Variants in UNC13B observed in about 807,000 individuals in gnomAD.
UNC13B encodes protein unc-13 homolog B.
Under a neutral mutation model 211.0 loss-of-function variants are expected in UNC13B, and 144 were observed. That is an observed-to-expected ratio of 0.68 (90% CI 0.60 to 0.78). UNC13B has a LOEUF of 0.78. UNC13B is among the 30% of genes least tolerant of loss of function. The pLI, the probability that UNC13B is intolerant of heterozygous loss-of-function variation, is 0.00. For missense variants in UNC13B, 1,777 were observed against 2,002.0 expected (o/e 0.89, Z 2.14); for synonymous variants, 709 against 725.8 (o/e 0.98, Z 0.37).
At chr9:35,388,795 C>T (rs909933435) in intron 24 of UNC13B, among the ~76,000 whole-genome samples, 8 of 152,104 alleles carry the variant, frequency 5.3e-5, no homozygotes. Flanking sequence ...TATTGAACGC[C>T]GTTGAAGGGC....
chr9:35,232,428 C>T (rs7025327), intron 3 of UNC13B, among the ~76,000 whole-genome samples: 1,914 of 151,784 alleles, frequency 0.013, 37 homozygotes, highest in African/African-American at 0.044. Context: ...GCAATCTTCC[C>T]GCCTTGGCCT....
chr9:35,279,277 T>C (rs1828350946), intron 7 of UNC13B, among the ~76,000 whole-genome samples: 2 of 152,196 alleles, frequency 1.3e-5, no homozygotes, highest in African/African-American at 4.8e-5. Context: ...ATATTTCACA[T>C]AAATGGAATC....
chr9:35,383,047 G>A (rs572526498), intron 21 of UNC13B, among the ~76,000 whole-genome samples: 1 of 152,308 alleles, frequency 6.6e-6, no homozygotes, highest in South Asian at 2.1e-4. Context: ...ACCTGGGCTT[G>A]GCCAGAACCC....
chr9:35,279,546 G>A (rs1197246308), intron 7 of UNC13B, among the ~76,000 whole-genome samples: 1 of 151,790 alleles, frequency 6.6e-6, no homozygotes, highest in Admixed American at 6.6e-5. Flanking sequence ...AGTTCTTTTG[G>A]GTATATACTA....
At chr9:35,228,875 T>C (rs1394708026) in intron 2 of UNC13B, among the ~76,000 whole-genome samples, 1 of 152,124 alleles carries the variant, frequency 6.6e-6, no homozygotes, top group Non-Finnish European at 1.5e-5. Context: ...TTTTTGCTAT[T>C]ACAAATAATA....
rs1003067972 is a variant in UNC13B at position 35,380,407 on chromosome 9, G to A, written c.10206-63G>A. 7.7e-6 allele frequency: 12 copies of A among 1,559,940 alleles called. No individual in the cohort carries two copies. In the African/African-American group the frequency reaches 1.6e-4, roughly 21 times the overall value. ...TGTCGGAGCTTTTGGGAGGGAATAG[G>A]AAGTAACAGGATTTGGCGCTACTGG... On this transcript the variant is annotated intron_variant, in intron 17 of 39. Transcript: ENST00000635942.
rs1443508098 is a variant in UNC13B at position 35,301,651 on chromosome 9, G to A, written c.2247G>A (p.Glu749=). ...TTAGTTCTGCAAGTAAAAATGATGA[G>A]AGTCTATTGGAAGAAAAACTCTGTA... ...NLVSSASKND[E]SLLEEKLCID... Residue 749 remains glutamate, a synonymous_variant, in exon 9 of 40, where the codon GAG becomes GAA. Transcript: ENST00000635942. 2.5e-6 allele frequency: 1 copy of A among 398,776 alleles called. No individual in the cohort carries two copies. Among genetic ancestry groups the A allele is most frequent in the Non-Finnish European group, 4.4e-6 (1 of 225,912 alleles). 24.7% of individuals were successfully genotyped at this position (398,776 alleles called of 1,614,324 possible).
At position 35,194,930 on chromosome 9, in the gene UNC13B, A is replaced by G. The variant is rs554091238; in HGVS notation, c.22+32625A>G. 2.0e-5 allele frequency among the ~76,000 whole-genome samples: 3 copies of G among 152,332 alleles called. No homozygotes were observed. The East Asian group carries it at 5.8e-4, about 29-fold the overall frequency. Reference sequence around the variant, plus strand: ...GCTCTCTCTCTAGTGTGAGAGGGGAATTCTGAGAGCAAAAGGTGGACTGGC... The same window carrying G: ...GCTCTCTCTCTAGTGTGAGAGGGGAGTTCTGAGAGCAAAAGGTGGACTGGC... On this transcript the variant is annotated intron_variant, in intron 1 of 39. Coordinates refer to ENST00000635942, the MANE Select transcript of UNC13B (RefSeq NM_001371189.2).
intron 12 of UNC13B, among the ~76,000 whole-genome samples, chr9:35,369,203 A>G (rs974902906): frequency 1.3e-5 from 2 of 152,188 alleles, no homozygotes; most frequent in Non-Finnish European, 2.9e-5. Flanking sequence ...TTCTTTGCCT[A>G]GATAGCTACA....
At position 35,307,440 on chromosome 9, in the gene UNC13B, A is replaced by G. The variant is rs1829979777; in HGVS notation, c.8036A>G (p.Glu2679Gly). ...PIQPPLPLEP[E>G]PAIQTASTNQ... Reference sequence around the variant, plus strand: ...CAGCCACCTCTTCCTCTTGAGCCAGAGCCAGCTATTCAAACTGCCTCCACA... The same window carrying G: ...CAGCCACCTCTTCCTCTTGAGCCAGGGCCAGCTATTCAAACTGCCTCCACA... Residue 2679 changes from glutamate to glycine, a missense_variant, in exon 9 of 40, where the codon GAG becomes GGG. Transcript: ENST00000635942. 2.5e-6 allele frequency: 1 copy of G among 399,062 alleles called. No individual in the cohort carries two copies. The highest frequency in any genetic ancestry group is 1.3e-4 in the South Asian group (1 of 7,864). The allele number at this position is 399,062 out of a possible 1,614,324, so 24.7% of individuals were successfully genotyped here.
rs1829779156 is a variant in UNC13B, at chr9:35,303,403, A to G, written c.3999A>G (p.Leu1333=). 3 of 398,672 alleles carry G rather than the reference A, an allele frequency of 7.5e-6. No individual in the cohort carries two copies. The highest frequency in any genetic ancestry group is 1.3e-5 in the Non-Finnish European group (3 of 225,836). The allele number at this position is 398,672 out of a possible 1,614,324, so 24.7% of individuals were successfully genotyped here. A position where few individuals can be genotyped will look rare whatever the true frequency, so the allele number is the denominator to read the frequency against. Residue 1333 remains leucine, a synonymous_variant, in exon 9 of 40, where the codon CTA becomes CTG. Transcript: ENST00000635942. The part of the protein sequence containing the change: ...ENSNKLNSPV[L]NTNILNKSNN... The stretch of plus-strand genomic sequence containing the variant: ...CAAACAAGTTAAATTCACCTGTACT[A>G]AATACCAACATTCTCAATAAATCAA...
At chr9:35,254,403 T>C (rs766718966) in intron 6 of UNC13B, among the ~76,000 whole-genome samples, 5 of 152,150 alleles carry the variant, frequency 3.3e-5, no homozygotes, top group Non-Finnish European at 5.9e-5. Flanking sequence ...GATGGAAGCA[T>C]GCTCTCTGGA....
At chr9:35,257,309 A>ATATAAATATTTATATAAATATTTT (rs1564097598) in intron 6 of UNC13B, among the ~76,000 whole-genome samples, 3 of 99,104 alleles carry the variant, frequency 3.0e-5, no homozygotes, top group Non-Finnish European at 4.5e-5. Context: ...TTTATAAAAA[A>ATATAAATATTTATATAAATATTTT]TATAAATATT....
intron 26 of UNC13B, among the ~76,000 whole-genome samples, chr9:35,396,135 C>T (rs1587769321): frequency 6.6e-6 from 1 of 152,232 alleles, no homozygotes; most frequent in South Asian, 2.1e-4. Flanking sequence ...TGGGCAGTCT[C>T]CCTACTAATC....
chr9:35,398,633 T>C lies in UNC13B; in HGVS notation c.11912T>C (p.Phe3971Ser), dbSNP rs1332347054. 6.2e-7 allele frequency: 1 copy of C among 1,613,952 alleles called. No individual in the cohort carries two copies. Among genetic ancestry groups the C allele is most frequent in the African/African-American group, 1.3e-5 (1 of 75,006 alleles). Reference protein sequence around the residue: ...NTVLDELSMVFGNSFQVRIDE... With the variant: ...NTVLDELSMVSGNSFQVRIDE... The stretch of plus-strand genomic sequence containing the variant: ...GTTCTGGATGAGCTCAGCATGGTGT[T>C]TGGAAACAGGTCAGTGACCCCACAA... Residue 3971 changes from phenylalanine (F) to serine (S), a missense_variant, in exon 32 of 40, where the codon TTT (phenylalanine) becomes TCT (serine). Transcript: ENST00000635942.
At chr9:35,400,734 C>T (rs117065884) in intron 37 of UNC13B, among the ~76,000 whole-genome samples, 1 of 152,250 alleles carries the variant, frequency 6.6e-6, no homozygotes, top group East Asian at 1.9e-4. Context: ...GACTGGTAAG[C>T]GGCAAGAATG....
At chr9:35,321,807 G>GTA (rs1482676330) in intron 11 of UNC13B, among the ~76,000 whole-genome samples, 2 of 151,938 alleles carry the variant, frequency 1.3e-5, no homozygotes, top group Non-Finnish European at 2.9e-5. Context: ...GGCTTCAGGG[G>GTA]TATATATATA....
intron 7 of UNC13B, among the ~76,000 whole-genome samples, chr9:35,262,651 C>A (rs557339879): frequency 1.3e-5 from 2 of 152,240 alleles, no homozygotes; most frequent in African/African-American, 4.8e-5. Flanking sequence ...AAAAATCTGG[C>A]CACGCACTGT....
In UNC13B at chr9:35,308,177, G is replaced by C. The variant is rs1436165783; in HGVS notation, c.8773G>C (p.Gly2925Arg). The change falls in exon 9 of 40, where the codon GGG becomes CGG. Residue 2925 changes from glycine (G) to arginine (R), a missense_variant. Transcript: ENST00000635942. ...CAQGLSGSGE[G>R]GNQQEISASG... ...TCAGGGGCTTTCAGGGTCTGGAGAA[G>C]GGGGAAACCAGCAGGAAATCTCAGC... 6 of 399,582 alleles carry C rather than the reference G, an allele frequency of 1.5e-5. No homozygotes were observed. Among genetic ancestry groups the C allele is most frequent in the Non-Finnish European group, 2.6e-5 (6 of 226,624 alleles). The allele number at this position is 399,582 out of a possible 1,614,324, so 24.8% of individuals were successfully genotyped here.
Sources: gnomAD v4.1 joint callset for allele counts (sites outside exome capture counted in the v4.1 genomes callset) on GRCh38, gnomAD v4.1.1 for gene constraint, MANE v1.5 for transcripts, NCBI Gene and HGNC (gene_info 2026-07-23, HGNC 2026-07-21) for gene names.